Variants in ARHGEF10L observed in about 807,000 individuals in gnomAD.
ARHGEF10L encodes Rho guanine nucleotide exchange factor 10 like, also known as rho guanine nucleotide exchange factor 10-like protein.
Under a neutral mutation model 141.2 loss-of-function variants are expected in ARHGEF10L, and 69 were observed. The ratio of observed to expected loss-of-function variants is 0.49; its 90% CI spans 0.40 to 0.60. ARHGEF10L has a LOEUF of 0.60. Ranked by LOEUF, ARHGEF10L falls within the 20% of genes least tolerant of loss-of-function variation. The pLI is 0.00. For missense variants in ARHGEF10L, 1,482 were observed against 1,734.3 expected (o/e 0.85, Z 2.58); for synonymous variants, 711 against 718.5 (o/e 0.99, Z 0.17).
chr1:17,611,576 C>A (rs990410678), intron 7 of ARHGEF10L, among the ~76,000 whole-genome samples: 1 of 150,766 alleles, frequency 6.6e-6, no homozygotes, highest in Admixed American at 6.6e-5. Flanking sequence ...ATCCATCCAT[C>A]CACTCATCCA....
the ARHGEF10L span, among the ~76,000 whole-genome samples, chr1:17,517,664 C>G: frequency 2.0e-5 from 3 of 151,560 alleles, no homozygotes; most frequent in African/African-American, 7.3e-5. Flanking sequence ...CATTATTATT[C>G]TTTTCTTTCT....
Position 17,654,674 on chromosome 1 carries a change from G to C in ARHGEF10L, c.2433G>C (p.Leu811=). 6.2e-7 allele frequency: 1 copy of C among 1,614,198 alleles called. No homozygotes were observed. The highest frequency in any genetic ancestry group is 2.2e-5 in the East Asian group (1 of 44,872). Residue 811 remains leucine (L), a synonymous_variant, in exon 23 of 29, where the codon CTG becomes CTC. Transcript: ENST00000361221. This position sits in a 1 kb window ranked among gnomAD's most constrained non-coding sequence, Gnocchi z 4.3. ...ALVHSPVNCP[L]LGFSAVSTSL... is the part of the protein sequence containing the mutation. The stretch of plus-strand genomic sequence containing the variant: ...TCCACAGTCCTGTCAACTGTCCCCT[G>C]CTGGGTTTCTCAGCAGTCAGCACCT...
the ARHGEF10L span, among the ~76,000 whole-genome samples, chr1:17,517,781 C>G: frequency 1.1e-3 from 170 of 152,332 alleles, 3 homozygotes; most frequent in African/African-American, 3.9e-3. Flanking sequence ...CTGCCTCAGC[C>G]TCCTGAGTAG....
intron 26 of ARHGEF10L, among the ~76,000 whole-genome samples, chr1:17,674,247 CT>C (rs2063503295): frequency 1.3e-5 from 2 of 152,214 alleles, no homozygotes; most frequent in African/African-American, 4.8e-5. Flanking sequence ...CCAGTTACCC[CT>C]GGGACCCTTG....
rs147217533 is a variant in ARHGEF10L, at chr1:17,643,898, A to C, written c.2272+3596A>C. On this transcript the variant is annotated intron_variant, in intron 21 of 28. Coordinates refer to ENST00000361221, the MANE Select transcript of ARHGEF10L (RefSeq NM_018125.4). ...ATCTTCCTACCTCTTTCTACCGGTTAGGCTCTTGTTGGTAAAAGCTCCAGA... is the reference window on the plus strand; with the variant it reads ...ATCTTCCTACCTCTTTCTACCGGTTCGGCTCTTGTTGGTAAAAGCTCCAGA... Among the ~76,000 whole-genome samples the C allele has an allele frequency of 3.2e-3, 487 of 152,282 alleles. 4 individuals carry two copies. Among genetic ancestry groups the C allele is most frequent in the African/African-American group, 0.011 (473 of 41,562 alleles).
intron 27 of ARHGEF10L, chr1:17,693,994 T>G (rs2065300207): frequency 6.6e-6 from 1 of 152,254 alleles, no homozygotes; most frequent in Non-Finnish European, 1.5e-5. Flanking sequence ...CTCAGCCCCC[T>G]CAGAAAGCCT....
chr1:17,617,579 C>A (rs977018605), intron 9 of ARHGEF10L, among the ~76,000 whole-genome samples: 1 of 152,188 alleles, frequency 6.6e-6, no homozygotes, highest in Non-Finnish European at 1.5e-5. Flanking sequence ...TCTGGGATGC[C>A]AGTTCTCTTT....
chr1:17,560,123 G>A (rs1268354490), intron 1 of ARHGEF10L, among the ~76,000 whole-genome samples: 1 of 152,190 alleles, frequency 6.6e-6, no homozygotes, highest in South Asian at 2.1e-4. Context: ...GTAAGCAGGT[G>A]CCCTCCAGGG....
chr1:17,691,324 C>G, intron 27 of ARHGEF10L: 1 of 284,262 alleles, frequency 3.5e-6, no homozygotes. Flanking sequence ...GGGGAAGGCC[C>G]CAGAATGAGG....
chr1:17,617,596 A>G (rs1188674618), intron 9 of ARHGEF10L, among the ~76,000 whole-genome samples: 1 of 152,232 alleles, frequency 6.6e-6, no homozygotes, highest in African/African-American at 2.4e-5. Context: ...CTTTGGAAGG[A>G]AGGAGGCTTT....
rs185683511 is a variant in ARHGEF10L at position 17,549,229 on chromosome 1, G to A, written c.-44+9279G>A. 4.2e-3 allele frequency among the ~76,000 whole-genome samples: 629 copies of A among 151,552 alleles called. 3 individuals carry two copies. Among genetic ancestry groups the A allele is most frequent in the Non-Finnish European group, 6.8e-3 (460 of 67,880 alleles). On this transcript the variant is annotated intron_variant, in intron 1 of 28. Coordinates refer to ENST00000361221, the MANE Select transcript of ARHGEF10L (RefSeq NM_018125.4). ...GTAGAGATGGGGTTTCACTATGTTG[G>A]CCAGGCTGGTCTCGAACTCCTGACC...
At chr1:17,667,556 A>G (rs2063063159) in intron 26 of ARHGEF10L, among the ~76,000 whole-genome samples, 1 of 152,110 alleles carries the variant, frequency 6.6e-6, no homozygotes, top group South Asian at 2.1e-4. Context: ...CCAGTAGGAG[A>G]ATTGGGGCAC....
At chr1:17,522,284 G>A in the ARHGEF10L span, among the ~76,000 whole-genome samples, 1 of 152,324 alleles carries the variant, frequency 6.6e-6, no homozygotes, top group African/African-American at 2.4e-5. Context: ...TGAGGGCAGC[G>A]CCTCATCCTA....
At chr1:17,604,941 C>CT in intron 6 of ARHGEF10L, 1 of 152,360 alleles carries the variant, frequency 6.6e-6, no homozygotes, top group East Asian at 1.9e-4. Flanking sequence ...TGTTCATGGC[C>CT]TGGGTGTCAC....
chr1:17,543,106 G>A (rs1205467871), intron 1 of ARHGEF10L, among the ~76,000 whole-genome samples: 1 of 152,090 alleles, frequency 6.6e-6, no homozygotes, highest in Non-Finnish European at 1.5e-5. Context: ...CTCAGTGGAG[G>A]GCATCAGAGC....
chr1:17,588,849 A>AGTGTGTGTGTGTGT (rs57719075), intron 4 of ARHGEF10L, among the ~76,000 whole-genome samples: 245 of 20,418 alleles, frequency 0.012, 25 homozygotes, highest in East Asian at 0.043. Context: ...GAGGGTCCCC[A>AGTGTGTGTGTGTGT]GTGTGTGTGT....
intron 26 of ARHGEF10L, among the ~76,000 whole-genome samples, chr1:17,667,885 C>T (rs1434125977): frequency 1.3e-5 from 2 of 152,174 alleles, no homozygotes; most frequent in Non-Finnish European, 2.9e-5. Context: ...GCCTGTGTCC[C>T]GGCCACTTCC....
chr1:17,643,730 G>T (rs1049484686), intron 21 of ARHGEF10L, among the ~76,000 whole-genome samples: 1 of 152,166 alleles, frequency 6.6e-6, no homozygotes, highest in African/African-American at 2.4e-5. Flanking sequence ...AAAATGTGGG[G>T]AGATGGTGCA....
chr1:17,675,992 G>GTT (rs2063665317), intron 26 of ARHGEF10L, among the ~76,000 whole-genome samples: 1 of 150,130 alleles, frequency 6.7e-6, no homozygotes, highest in African/African-American at 2.5e-5. Flanking sequence ...GCAGGTGTGT[G>GTT]CAGGTGTGGG....
Sources: allele counts gnomAD v4.1 joint callset (sites outside exome capture counted in the v4.1 genomes callset), GRCh38; gene constraint gnomAD v4.1.1; non-coding constraint Gnocchi (gnomAD v3.1); transcripts MANE v1.5; gene names NCBI Gene and HGNC (gene_info 2026-07-23, HGNC 2026-07-21).